DMXL2: variants seen among roughly 807,000 people sequenced by gnomAD.
DMXL2 encodes dmX-like protein 2.
DMXL2 carries 103 observed loss-of-function variants against 331.1 expected under a neutral mutation model. That is an observed-to-expected ratio of 0.31 (90% CI 0.27 to 0.37). The LOEUF (loss-of-function observed/expected upper bound fraction) is 0.37, where lower values mean the gene tolerates loss of function less well. Among genes scored for constraint, DMXL2 ranks in the 10% least tolerant of loss-of-function variants. The pLI is 1.00. For missense variants in DMXL2, 3,171 were observed against 3,642.9 expected (o/e 0.87, Z 3.33); for synonymous variants, 1,281 against 1,252.1 (o/e 1.02, Z -0.49).
chr15:51,583,225 A>G (rs2051594028), intron 1 of DMXL2, among the ~76,000 whole-genome samples: 1 of 99,394 alleles, frequency 1.0e-5, no homozygotes, highest in South Asian at 4.3e-4. Context: ...CGCTGCACCC[A>G]CTAATGTGTC....
chr15:51,558,388 A>C (rs1473469975), intron 6 of DMXL2, among the ~76,000 whole-genome samples: 1 of 152,190 alleles, frequency 6.6e-6, no homozygotes, highest in Non-Finnish European at 1.5e-5. Flanking sequence ...GGCATCATGA[A>C]CCTTAATGGG....
chr15:51,588,670 T>C (rs560746912), intron 1 of DMXL2, among the ~76,000 whole-genome samples: 1 of 152,210 alleles, frequency 6.6e-6, no homozygotes, highest in Non-Finnish European at 1.5e-5. Flanking sequence ...GTCGTAACAG[T>C]GTCCCAAAAA....
rs1357719170 is a variant in DMXL2 at position 51,471,344 on chromosome 15, A to T, written c.7271T>A (p.Met2424Lys). The stretch of plus-strand genomic sequence containing the variant: ...TTTTACAGGCCTTCCAGGGACGAGC[A>T]TTCTCATGTTAAATCTCCTACGGTG... ...DKHRRRFNMR[M>K]LVPGRPVKDA... Residue 2424 changes from methionine (M) to lysine (K), a missense_variant, in exon 29 of 44, where the codon ATG (methionine) becomes AAG (lysine). Met to Lys is a moderately conservative substitution (Grantham distance 95). Around this residue, in one of 7 missense-constraint regions of DMXL2, gnomAD observed 766 missense variants for 940.5 expected, o/e 0.81. Coordinates refer to ENST00000560891, the MANE Select transcript of DMXL2 (RefSeq NM_001378457.1). 2 of 1,613,934 alleles carry T rather than the reference A, an allele frequency of 1.2e-6. No homozygotes were observed. The highest frequency in any genetic ancestry group is 1.7e-6 in the Non-Finnish European group (2 of 1,179,960).
chr15:51,532,119 C>A (rs1017207143), intron 13 of DMXL2, among the ~76,000 whole-genome samples: 1 of 151,646 alleles, frequency 6.6e-6, no homozygotes, highest in Non-Finnish European at 1.5e-5. Context: ...TTGGAGGCAA[C>A]CTAAGTATCC....
intron 28 of DMXL2, 66 bp downstream of exon 28, chr15:51,474,278 A>AAAAAAAATTTTAACATTC: frequency 6.8e-7 from 1 of 1,463,320 alleles, no homozygotes. Context: ...TTGAAACATT[A>AAAAAAAATTTTAACATTC]AAAAAAATTT....
At chr15:51,476,555 A>G (rs953437333) in intron 27 of DMXL2, 34 bp downstream of exon 27, 5 of 1,589,402 alleles carry the variant, frequency 3.1e-6, no homozygotes, top group Admixed American at 1.9e-5. Flanking sequence ...TGCCAACTAG[A>G]AGATTTTTTT....
At chr15:51,533,588 C>T (rs2140858607) in intron 13 of DMXL2, among the ~76,000 whole-genome samples, 1 of 152,316 alleles carries the variant, frequency 6.6e-6, no homozygotes, top group Non-Finnish European at 1.5e-5. Context: ...CTACCTAGTA[C>T]AATGTTTTGG....
chr15:51,491,714 T>A lies in DMXL2; in HGVS notation c.4817A>T (p.His1606Leu). 1 of 1,610,342 alleles carries A rather than the reference T, an allele frequency of 6.2e-7. No individual in the cohort carries two copies. Among genetic ancestry groups the A allele is most frequent in the Non-Finnish European group, 8.5e-7 (1 of 1,179,028 alleles). The part of the protein sequence containing the change: ...VSTCHFAWAF[H>L]SEAEEELINM... ...AATCAGTTCTTCTTCAGCCTCAGAATGAAAAGCCCAGGCAAAATGGCATGT... is the reference window on the plus strand; with the variant it reads ...AATCAGTTCTTCTTCAGCCTCAGAAAGAAAAGCCCAGGCAAAATGGCATGT... The change falls in exon 20 of 44, where the codon CAT (histidine) becomes CTT (leucine). Residue 1606 changes from histidine to leucine, a missense_variant. Around this residue, in one of 7 missense-constraint regions of DMXL2, gnomAD observed 252 missense variants for 387.4 expected, o/e 0.65. Coordinates refer to ENST00000560891, the MANE Select transcript of DMXL2 (RefSeq NM_001378457.1).
chr15:51,485,395 T>G (rs961103654), intron 23 of DMXL2, among the ~76,000 whole-genome samples: 1 of 152,196 alleles, frequency 6.6e-6, no homozygotes, highest in Non-Finnish European at 1.5e-5. Flanking sequence ...TTCTTATGAT[T>G]TGTTTCAGGA....
At chr15:51,572,722 A>G (rs897784000) in intron 2 of DMXL2, among the ~76,000 whole-genome samples, 1 of 152,226 alleles carries the variant, frequency 6.6e-6, no homozygotes, top group Non-Finnish European at 1.5e-5. Context: ...AAGGCCTTTG[A>G]CAAAATTCAA....
chr15:51,478,962 A>G (rs1051882844), intron 25 of DMXL2, among the ~76,000 whole-genome samples: 2 of 152,120 alleles, frequency 1.3e-5, no homozygotes, highest in Admixed American at 6.5e-5. Context: ...TACTGAATCA[A>G]TATTTTCAGA....
At chr15:51,507,000 T>G (rs1051148023) in intron 16 of DMXL2, 134 bp downstream of exon 16, 2 of 699,310 alleles carry the variant, frequency 2.9e-6, no homozygotes, top group Non-Finnish European at 4.1e-6. Flanking sequence ...AATTAAAAGT[T>G]TAGAAGAGAC....
intron 1 of DMXL2, among the ~76,000 whole-genome samples, chr15:51,606,258 A>C (rs937847154): frequency 6.6e-5 from 10 of 152,114 alleles, no homozygotes; most frequent in Non-Finnish European, 1.0e-4. Flanking sequence ...CCCAGGCTGG[A>C]GTGCAGTGGC....
At chr15:51,474,667 CTT>C (rs772914785) in intron 27 of DMXL2, 75 bp from the exon 28 acceptor site, 6 of 1,457,498 alleles carry the variant, frequency 4.1e-6, no homozygotes, top group Non-Finnish European at 5.5e-6. Flanking sequence ...AAATTTGCAA[CTT>C]ATCCAAAATT....
chr15:51,486,000 C>G, intron 23 of DMXL2, 73 bp downstream of exon 23: 1 of 1,428,460 alleles, frequency 7.0e-7, no homozygotes, highest in Middle Eastern at 1.9e-4. Context: ...TTTTCTTAAT[C>G]TAAGTGAACA....
rs894592190 is a variant in DMXL2, at chr15:51,491,086, A to G, written c.4953+492T>C. 5.3e-5 allele frequency among the ~76,000 whole-genome samples: 8 copies of G among 152,354 alleles called. 1 individual carries two copies. In the South Asian group the frequency reaches 8.3e-4, roughly 16 times the overall value. Reference sequence around the variant, plus strand: ...AATTCAGCCTATATAGAAAGACACAATATCATACTGCATGGACATTTTATA... The same window carrying G: ...AATTCAGCCTATATAGAAAGACACAGTATCATACTGCATGGACATTTTATA... On this transcript the variant is annotated intron_variant, in intron 20 of 43. Transcript: ENST00000560891.
intron 1 of DMXL2, among the ~76,000 whole-genome samples, chr15:51,592,612 T>C (rs556196287): frequency 2.9e-4 from 44 of 152,232 alleles, no homozygotes; most frequent in African/African-American, 1.0e-3. Context: ...AGACACATAA[T>C]TGTCTGATTA....
chr15:51,596,005 C>T (rs1241574320), intron 1 of DMXL2, among the ~76,000 whole-genome samples: 4 of 152,158 alleles, frequency 2.6e-5, no homozygotes, highest in African/African-American at 9.7e-5. Context: ...AGGACATAGG[C>T]ATGGGCAAGG....
chr15:51,463,408 T>C lies in DMXL2; in HGVS notation c.7897A>G (p.Ile2633Val), dbSNP rs2040296003. 1 of 1,582,554 alleles carries C rather than the reference T, an allele frequency of 6.3e-7. No homozygotes were observed. The highest frequency in any genetic ancestry group is 8.6e-7 in the Non-Finnish European group (1 of 1,162,542). Residue 2633 changes from isoleucine (I) to valine (V), a missense_variant, in exon 33 of 44, where the codon ATT becomes GTT. Around this residue, in one of 7 missense-constraint regions of DMXL2, gnomAD observed 766 missense variants for 940.5 expected, o/e 0.81. Coordinates refer to ENST00000560891, the MANE Select transcript of DMXL2 (RefSeq NM_001378457.1). ...EVLQETFIRY[I>V]FTKKRKQSES... ...CTCTGCTTTCTTTTCTTAGTGAAAA[T>C]ATATCTAATAAATGTCTCTTGAAGG...
Sources: gnomAD v4.1 joint callset for allele counts (sites outside exome capture counted in the v4.1 genomes callset) on GRCh38, gnomAD v4.1.1 for gene constraint, gnomAD v4.1.1 regional missense constraint, MANE v1.5 for transcripts, NCBI Gene and HGNC (gene_info 2026-07-23, HGNC 2026-07-21) for gene names.